Variants in TTBK2 observed in about 807,000 individuals in gnomAD.
TTBK2 encodes the protein tau-tubulin kinase 2.
Under a neutral mutation model 110.8 loss-of-function variants are expected in TTBK2, and 28 were observed. That is an observed-to-expected ratio of 0.25 (90% CI 0.19 to 0.35). The LOEUF (loss-of-function observed/expected upper bound fraction) is 0.35. Among genes scored for constraint, TTBK2 ranks in the 10% least tolerant of loss-of-function variants. The pLI is 1.00. For missense variants in TTBK2, 1,369 were observed against 1,500.3 expected, an observed-to-expected ratio of 0.91 and a Z score of 1.45; for synonymous variants, 532 against 527.3, an observed-to-expected ratio of 1.01 and a Z score of -0.12.
At chr15:42,776,519 G>A (rs963316210) in intron 12 of TTBK2, among the ~76,000 whole-genome samples, 6 of 152,088 alleles carry the variant, frequency 3.9e-5, no homozygotes, top group Non-Finnish European at 5.9e-5. Context: ...GCAAACTCTC[G>A]AGGGCAAGCA....
In TTBK2 at chr15:42,745,705, C is replaced by T; in HGVS notation, c.*90G>A. ...TTTCTTTTGCAAGAGAAGATCAACA[C>T]TGATTTTTTTACATAGAAAGTACAG... On this transcript the variant is annotated 3_prime_UTR_variant, in exon 15 of 15. Transcript: ENST00000267890. 6.8e-7 allele frequency: 1 copy of T among 1,473,336 alleles called. No homozygotes were observed. Among genetic ancestry groups the T allele is most frequent in the South Asian group, 1.1e-5 (1 of 87,582 alleles). 91.3% of individuals were successfully genotyped at this position (1,473,336 alleles called of 1,614,324 possible).
Position 42,798,647 on chromosome 15 carries a change from T to C in TTBK2, c.823-3846A>G, listed in dbSNP as rs764207656. 6.3e-4 allele frequency among the ~76,000 whole-genome samples: 96 copies of C among 152,170 alleles called. 1 individual carries two copies. Among genetic ancestry groups the C allele is most frequent in the Non-Finnish European group, 1.2e-3 (79 of 68,030 alleles). ...AATTTAAATGAACCTTTAAGATAAA[T>C]CAGGAGAATACAAAGAAATTTTGGA... On this transcript the variant is annotated intron_variant, in intron 9 of 14. Coordinates refer to ENST00000267890, the MANE Select transcript of TTBK2 (RefSeq NM_173500.4).
chr15:42,853,450 C>T (rs906395570), intron 3 of TTBK2, among the ~76,000 whole-genome samples: 2 of 152,060 alleles, frequency 1.3e-5, no homozygotes, highest in African/African-American at 4.8e-5. Flanking sequence ...ATTAGTTGGA[C>T]CTCCACTCAC....
At chr15:42,839,326 A>G (rs1386294796) in intron 4 of TTBK2, among the ~76,000 whole-genome samples, 2 of 152,120 alleles carry the variant, frequency 1.3e-5, no homozygotes, top group African/African-American at 2.4e-5. Flanking sequence ...CACGTACCAC[A>G]TTTTCTTTAT....
chr15:42,805,219 C>T (rs1891409699), intron 9 of TTBK2, among the ~76,000 whole-genome samples: 1 of 152,138 alleles, frequency 6.6e-6, no homozygotes, highest in African/African-American at 2.4e-5. Flanking sequence ...AAATTTTTCA[C>T]TTTTATTAAA....
chr15:42,857,076 A>C (rs1893973860), intron 3 of TTBK2, among the ~76,000 whole-genome samples: 1 of 152,118 alleles, frequency 6.6e-6, no homozygotes, highest in African/African-American at 2.4e-5. Flanking sequence ...AAAAAAAAAA[A>C]ATCTATCAAT....
intron 4 of TTBK2, among the ~76,000 whole-genome samples, chr15:42,832,090 T>A (rs1396576124): frequency 6.6e-6 from 1 of 152,306 alleles, no homozygotes; most frequent in East Asian, 1.9e-4. Context: ...GGATTTACCA[T>A]AGTTATTATT....
chr15:42,841,555 G>A (rs1034456327), intron 3 of TTBK2, among the ~76,000 whole-genome samples: 1 of 152,112 alleles, frequency 6.6e-6, no homozygotes, highest in Non-Finnish European at 1.5e-5. Flanking sequence ...GGCATGGATA[G>A]AGATTTGAAA....
intron 13 of TTBK2, among the ~76,000 whole-genome samples, chr15:42,772,961 C>T (rs1164619544): frequency 6.6e-6 from 1 of 152,160 alleles, no homozygotes; most frequent in Non-Finnish European, 1.5e-5. Flanking sequence ...TTACAAATCA[C>T]TTCAGGTTGT....
chr15:42,892,408 C>A (rs1666832923), intron 1 of TTBK2, among the ~76,000 whole-genome samples: 1 of 151,776 alleles, frequency 6.6e-6, no homozygotes, highest in African/African-American at 2.4e-5. Context: ...ATTATTTGGA[C>A]CTTTAATAAA....
chr15:42,810,716 C>T lies in TTBK2; in HGVS notation c.720G>A (p.Glu240=), dbSNP rs767995269. 6.2e-6 allele frequency: 10 copies of T among 1,613,716 alleles called. No individual in the cohort carries two copies. The South Asian group carries it at 9.9e-5, about 16-fold the overall frequency. ...TCAACATGAGCCTGTGGTCATATCT[C>T]TCCTTAATAGAGCCTACTTGCTCCT... ...KDKEQVGSIK[E]RYDHRLMLKH... is the part of the protein sequence containing the mutation. The change falls in exon 9 of 15, where the codon GAG becomes GAA. Residue 240 remains glutamate (E), a synonymous_variant. Coordinates refer to ENST00000267890, the MANE Select transcript of TTBK2 (RefSeq NM_173500.4).
Position 42,740,022 on chromosome 15 carries a change from A to G in TTBK2, c.*5773T>C, listed in dbSNP as rs915189119. ...ATTAAATAATATTAAACTAATAAAA[A>G]GAGAGGTAAAATTCCTATCCATTGT... is the stretch of plus-strand genomic sequence containing the variant. On this transcript the variant is annotated 3_prime_UTR_variant, in exon 15 of 15. Transcript: ENST00000267890. 1 of 152,192 alleles carries G rather than the reference A, an allele frequency of 6.6e-6. No individual in the cohort carries two copies. Among genetic ancestry groups the G allele is most frequent in the African/African-American group, 2.4e-5 (1 of 41,446 alleles). The allele number at this position is 152,192 out of a possible 1,614,324, so 9.4% of individuals were successfully genotyped here.
At chr15:42,769,732 C>T (rs1889574270) in intron 13 of TTBK2, among the ~76,000 whole-genome samples, 1 of 152,076 alleles carries the variant, frequency 6.6e-6, no homozygotes, top group Admixed American at 6.6e-5. Flanking sequence ...CTAGAAATAC[C>T]ATTTGACCCA....
chr15:42,805,246 A>G (rs185390176), intron 9 of TTBK2, among the ~76,000 whole-genome samples: 2 of 152,326 alleles, frequency 1.3e-5, no homozygotes, highest in Admixed American at 1.3e-4. Context: ...TCATTGTGCT[A>G]TGTTCTTGAG....
In TTBK2 at chr15:42,741,638, T is replaced by A. The variant is rs540025326; in HGVS notation, c.*4157A>T. 1 of 152,190 alleles carries A rather than the reference T, an allele frequency of 6.6e-6. No homozygotes were observed. The highest frequency in any genetic ancestry group is 2.1e-4 in the South Asian group (1 of 4,828). The allele number at this position is 152,190 out of a possible 1,614,324, so 9.4% of individuals were successfully genotyped here. A position where few individuals can be genotyped will look rare whatever the true frequency, so the allele number is the denominator to read the frequency against. Reference sequence around the variant, plus strand: ...AACTTAATTCCAAAATACATAAACATGACAGAAGAAGTGGTTCTCTAACAT... The same window carrying A: ...AACTTAATTCCAAAATACATAAACAAGACAGAAGAAGTGGTTCTCTAACAT... On this transcript the variant is annotated 3_prime_UTR_variant, in exon 15 of 15. Coordinates refer to ENST00000267890, the MANE Select transcript of TTBK2 (RefSeq NM_173500.4).
intron 4 of TTBK2, among the ~76,000 whole-genome samples, chr15:42,832,556 T>A (rs77356321): frequency 4.6e-5 from 7 of 152,150 alleles, no homozygotes; most frequent in Non-Finnish European, 1.0e-4. Flanking sequence ...TATACAATAG[T>A]CCATGGTTAT....
chr15:42,744,270 T>G lies in TTBK2; in HGVS notation c.*1525A>C, dbSNP rs2061766628. The G allele has an allele frequency of 6.6e-6, 1 of 152,182 alleles. No homozygotes were observed. The allele number at this position is 152,182 out of a possible 1,614,324, so 9.4% of individuals were successfully genotyped here. On this transcript the variant is annotated 3_prime_UTR_variant, in exon 15 of 15. Coordinates refer to ENST00000267890, the MANE Select transcript of TTBK2 (RefSeq NM_173500.4). ...GATAAAGAGAACAAGAGAAGTTCAG[T>G]GCAGCTTCAGGGCAGCTTTGATGCA...
intron 9 of TTBK2, chr15:42,800,144 A>C (rs1017502351): frequency 2.7e-6 from 1 of 365,282 alleles, no homozygotes; most frequent in Non-Finnish European, 5.2e-6. Context: ...TGTCAGGATA[A>C]TGAGATTCTG....
intron 1 of TTBK2, among the ~76,000 whole-genome samples, chr15:42,899,821 G>C (rs557526100): frequency 8.6e-5 from 13 of 151,376 alleles, no homozygotes; most frequent in African/African-American, 1.7e-4. Flanking sequence ...AGAATCGCTT[G>C]AATCCAGGAG....
Sources: gnomAD v4.1 joint callset for allele counts (sites outside exome capture counted in the v4.1 genomes callset) on GRCh38, gnomAD v4.1.1 for gene constraint, MANE v1.5 for transcripts, NCBI Gene and HGNC (gene_info 2026-07-23, HGNC 2026-07-21) for gene names.